Variants in CCDC88C observed in about 807,000 individuals in gnomAD.
The protein encoded by CCDC88C is coiled-coil and HOOK domain protein 88C.
In CCDC88C, 131 loss-of-function variants were observed where a neutral mutation model predicts 198.8. That is an observed-to-expected ratio of 0.66 (90% CI 0.57 to 0.76). CCDC88C has a LOEUF of 0.76. Among genes scored for constraint, CCDC88C ranks in the 30% least tolerant of loss-of-function variants. The probability of loss-of-function intolerance (pLI) is 0.00; values close to 1 mark genes in which losing one functional copy is unlikely to be tolerated. For missense variants in CCDC88C, 2,553 were observed against 2,631.6 expected (o/e 0.97, Z 0.65); for synonymous variants, 1,166 against 1,114.7 (o/e 1.05, Z -0.92).
At chr14:91,285,734 G>C (rs1890376996) in intron 25 of CCDC88C, 1 of 1,289,082 alleles carries the variant, frequency 7.8e-7, no homozygotes, top group African/African-American at 1.5e-5. Context: ...GTCGGAGGAA[G>C]ACCAGAACCG....
At chr14:91,299,430 C>T (rs34793066) in intron 21 of CCDC88C, among the ~76,000 whole-genome samples, 12,091 of 152,250 alleles carry the variant, frequency 0.079, 628 homozygotes, top group Admixed American at 0.11. Flanking sequence ...AAGAAGGCAG[C>T]GTGCTGTCGT....
chr14:91,293,483 C>G lies in CCDC88C; in HGVS notation c.4112+690G>C, dbSNP rs796090088. 6.3e-5 allele frequency among the ~76,000 whole-genome samples: 9 copies of G among 143,502 alleles called. 1 individual carries two copies. Among genetic ancestry groups the G allele is most frequent in the Admixed American group, 1.4e-4 (2 of 14,288 alleles). The allele number at this position is 143,502 out of a possible 152,430, so 94.1% of individuals were successfully genotyped here. The stretch of plus-strand genomic sequence containing the variant: ...CTTCCCATCCTCACCTGCCACAGCT[C>G]ACCTTCCCATCCTCACCTGCCACGG... On this transcript the variant is annotated intron_variant, in intron 23 of 29. Coordinates refer to ENST00000389857, the MANE Select transcript of CCDC88C (RefSeq NM_001080414.4).
chr14:91,381,824 G>A lies in CCDC88C; in HGVS notation c.271-22113C>T, dbSNP rs1029588587. Among the ~76,000 whole-genome samples the A allele has an allele frequency of 3.6e-5, 3 of 83,420 alleles. No homozygotes were observed. The highest frequency in any genetic ancestry group is 5.2e-3 in the Middle Eastern group (1 of 192). The allele number at this position is 83,420 out of a possible 152,430, so 54.7% of individuals were successfully genotyped here. A position where few individuals can be genotyped will look rare whatever the true frequency, so the allele number is the denominator to read the frequency against. On this transcript the variant is annotated intron_variant, in intron 3 of 29. Transcript: ENST00000389857. The surrounding 1 kb of genome is among the most constrained non-coding windows in gnomAD (Gnocchi z 4.2). ...GGGCAACGGAGCAAGACTCTGTCTC[G>A]AAAAACAAAAACAACAAAAAACCGG...
intron 29 of CCDC88C, among the ~76,000 whole-genome samples, chr14:91,275,491 T>TA (rs1269180105): frequency 1.3e-5 from 2 of 152,076 alleles, no homozygotes; most frequent in Non-Finnish European, 2.9e-5. Flanking sequence ...TTTTTTTTTT[T>TA]TTTGGAGACA....
At chr14:91,416,883 T>G in intron 1 of CCDC88C, 45 bp from the exon 2 acceptor site, 1 of 1,419,786 alleles carries the variant, frequency 7.0e-7, no homozygotes, top group Non-Finnish European at 9.9e-7. Context: ...AGTCACCCCG[T>G]GCGCACAAAC....
At chr14:91,400,514 C>A (rs1042762394) in intron 3 of CCDC88C, among the ~76,000 whole-genome samples, 8 of 152,242 alleles carry the variant, frequency 5.3e-5, no homozygotes, top group African/African-American at 1.7e-4. Context: ...AGCTGGACTC[C>A]CGGCCACAGC....
intron 3 of CCDC88C, 61 bp downstream of exon 3, chr14:91,408,598 C>T (rs1596171652): frequency 6.5e-6 from 7 of 1,073,210 alleles, no homozygotes; most frequent in Middle Eastern, 2.0e-4. Flanking sequence ...GTGGGAAAAC[C>T]GTGACAGTGA....
intron 3 of CCDC88C, among the ~76,000 whole-genome samples, chr14:91,389,658 T>A (rs1885363799): frequency 6.8e-6 from 1 of 147,524 alleles, no homozygotes; most frequent in Non-Finnish European, 1.5e-5. Context: ...GGCAGGAGGA[T>A]CACTTGAACC....
chr14:91,386,754 C>T (rs1885175457), intron 3 of CCDC88C, among the ~76,000 whole-genome samples: 2 of 152,210 alleles, frequency 1.3e-5, no homozygotes, highest in African/African-American at 2.4e-5. Context: ...ATCTTAGAGG[C>T]CAGCACACTT....
intron 13 of CCDC88C, among the ~76,000 whole-genome samples, chr14:91,320,912 C>A (rs1185139852): frequency 1.3e-5 from 2 of 152,212 alleles, no homozygotes; most frequent in African/African-American, 4.8e-5. Flanking sequence ...GAAGCAGGGA[C>A]AGGGCCACGC....
intron 3 of CCDC88C, among the ~76,000 whole-genome samples, chr14:91,368,217 A>T (rs1459417196): frequency 6.6e-6 from 1 of 152,166 alleles, no homozygotes; most frequent in East Asian, 1.9e-4. Flanking sequence ...CTGCTCTATC[A>T]CTGCAATGAG....
intron 10 of CCDC88C, among the ~76,000 whole-genome samples, chr14:91,332,458 T>C (rs909255566): frequency 6.6e-6 from 1 of 152,338 alleles, no homozygotes; most frequent in African/African-American, 2.4e-5. Flanking sequence ...AAACAAACCA[T>C]GTACATTTGT....
intron 10 of CCDC88C, among the ~76,000 whole-genome samples, chr14:91,335,934 C>T (rs151237896): frequency 6.6e-6 from 1 of 152,346 alleles, no homozygotes; most frequent in African/African-American, 2.4e-5. Context: ...GTGGCCTGGA[C>T]TTAATCAACC....
chr14:91,281,162 C>T, intron 27 of CCDC88C: 1 of 588,152 alleles, frequency 1.7e-6, no homozygotes, highest in Non-Finnish European at 3.1e-6. Flanking sequence ...CGCTCCCCAC[C>T]TGGGCCACCG....
In CCDC88C at chr14:91,313,854, C is replaced by T. The variant is rs61746076; in HGVS notation, c.1962G>A (p.Leu654=). 58 of 1,604,514 alleles carry T rather than the reference C, an allele frequency of 3.6e-5. 2 individuals are homozygous for T. The African/African-American group carries it at 7.0e-4, about 19-fold the overall frequency. Residue 654 remains leucine (L), a synonymous_variant, in exon 15 of 30, where the codon CTG becomes CTA. Transcript: ENST00000389857. This position sits in a 1 kb window ranked among gnomAD's most constrained non-coding sequence, Gnocchi z 5.2. The part of the protein sequence containing the change: ...NGRLARKVTS[L]ETATEKVEAL... ...CCTCGACTTTCTCGGTGGCTGTCTC[C>T]AGGGAGGTCACCTTCCTGGCCAGCC...
intron 3 of CCDC88C, among the ~76,000 whole-genome samples, chr14:91,401,344 A>ATT (rs1379027305): frequency 2.4e-5 from 3 of 125,566 alleles, no homozygotes; most frequent in East Asian, 2.1e-4. Context: ...ATATATATAT[A>ATT]TATTTTTTGA....
chr14:91,377,091 C>A (rs1412906815), intron 3 of CCDC88C, among the ~76,000 whole-genome samples: 2 of 144,576 alleles, frequency 1.4e-5, no homozygotes, highest in Non-Finnish European at 3.0e-5. Context: ...GAAACAGAAA[C>A]CATGAAAAAG....
chr14:91,370,800 T>C (rs746963486), intron 3 of CCDC88C, among the ~76,000 whole-genome samples: 1 of 152,138 alleles, frequency 6.6e-6, no homozygotes, highest in Non-Finnish European at 1.5e-5. Context: ...GCTGAGAATC[T>C]GCATTTTAAA....
intron 3 of CCDC88C, among the ~76,000 whole-genome samples, chr14:91,398,479 C>T (rs1418721281): frequency 1.3e-5 from 2 of 152,014 alleles, no homozygotes; most frequent in Middle Eastern, 3.2e-3. Context: ...CACAGTGAGA[C>T]CCCATCTCTA....
Sources: allele counts gnomAD v4.1 joint callset (sites outside exome capture counted in the v4.1 genomes callset), GRCh38; gene constraint gnomAD v4.1.1; non-coding constraint Gnocchi (gnomAD v3.1); transcripts MANE v1.5; gene names NCBI Gene and HGNC (gene_info 2026-07-23, HGNC 2026-07-21).